The following TMEM117 variants were observed in gnomAD, a reference collection of about 807,000 sequenced individuals.
TMEM117 encodes transmembrane protein 117.
TMEM117 carries 27 observed loss-of-function variants against 52.4 expected under a neutral mutation model. The observed-to-expected ratio is 0.51, with a 90% CI of 0.38 to 0.71. The LOEUF (loss-of-function observed/expected upper bound fraction) is 0.71, where lower values mean the gene tolerates loss of function less well. Ranked by LOEUF, TMEM117 falls within the 30% of genes least tolerant of loss-of-function variation. TMEM117 has a pLI of 0.00. For missense variants in TMEM117, 556 were observed against 630.5 expected (o/e 0.88, Z 1.26); for synonymous variants, 215 against 206.3 (o/e 1.04, Z -0.36).
At chr12:44,293,549 T>C (rs1347517773) in intron 5 of TMEM117, among the ~76,000 whole-genome samples, 1 of 152,130 alleles carries the variant, frequency 6.6e-6, no homozygotes, top group African/African-American at 2.4e-5. Context: ...TATAATCTTA[T>C]ATTTTTAATT....
At chr12:44,154,115 C>T (rs2138235183) in intron 4 of TMEM117, among the ~76,000 whole-genome samples, 1 of 152,136 alleles carries the variant, frequency 6.6e-6, no homozygotes, top group East Asian at 1.9e-4. Flanking sequence ...ACTAGTCTAC[C>T]AAATTGCTCA....
chr12:44,217,925 A>C (rs892087439), intron 5 of TMEM117, among the ~76,000 whole-genome samples: 3 of 152,208 alleles, frequency 2.0e-5, no homozygotes, highest in African/African-American at 7.2e-5. Context: ...AATTGCTTAA[A>C]AATACTAGCA....
chr12:44,268,314 T>A (rs186793073), intron 5 of TMEM117, among the ~76,000 whole-genome samples: 47 of 152,120 alleles, frequency 3.1e-4, no homozygotes, highest in Middle Eastern at 6.8e-3. Flanking sequence ...ATTTTTTTTT[T>A]TATACTTTTA....
the TMEM117 span, among the ~76,000 whole-genome samples, chr12:43,796,081 T>C: frequency 4.1e-4 from 62 of 152,200 alleles, no homozygotes; most frequent in Non-Finnish European, 7.9e-4. Context: ...CTTTCATCAC[T>C]TGGGTCACTT....
At chr12:44,315,151 T>A (rs939936872) in intron 6 of TMEM117, among the ~76,000 whole-genome samples, 1 of 151,980 alleles carries the variant, frequency 6.6e-6, no homozygotes, top group Non-Finnish European at 1.5e-5. Context: ...CTTTTATTTG[T>A]TAATCTAGCT....
At chr12:44,344,404 C>T (rs1051506389) in intron 6 of TMEM117, among the ~76,000 whole-genome samples, 1 of 152,082 alleles carries the variant, frequency 6.6e-6, no homozygotes, top group African/African-American at 2.4e-5. Context: ...TTGTTGCATT[C>T]TTCATATTTG....
intron 2 of TMEM117, among the ~76,000 whole-genome samples, chr12:43,868,920 G>A (rs1276040026): frequency 6.6e-6 from 1 of 151,982 alleles, no homozygotes; most frequent in East Asian, 1.9e-4. Flanking sequence ...TTGATTATTT[G>A]AGAACATTAA....
chr12:44,358,964 C>T (rs567385958), intron 6 of TMEM117, among the ~76,000 whole-genome samples: 55 of 152,220 alleles, frequency 3.6e-4, no homozygotes, highest in African/African-American at 1.1e-3. Context: ...TTTTATATAG[C>T]ACCTTTCTCT....
chr12:44,316,854 T>G (rs2138687270), intron 6 of TMEM117, among the ~76,000 whole-genome samples: 1 of 152,200 alleles, frequency 6.6e-6, no homozygotes, highest in Admixed American at 6.5e-5. Context: ...TTTTTCTGTT[T>G]GGTGTAGTAT....
At chr12:44,368,039 C>T (rs1433264081) in intron 6 of TMEM117, among the ~76,000 whole-genome samples, 1 of 152,088 alleles carries the variant, frequency 6.6e-6, no homozygotes, top group Non-Finnish European at 1.5e-5. Flanking sequence ...CTTGCTGTTT[C>T]TTCAATACAA....
At chr12:44,184,684 G>A (rs11612895) in intron 4 of TMEM117, among the ~76,000 whole-genome samples, 3 of 152,132 alleles carry the variant, frequency 2.0e-5, no homozygotes, top group Non-Finnish European at 2.9e-5. Context: ...TCTTGAAAGC[G>A]ATCCTTTCCT....
chr12:44,009,715 C>T, intron 3 of TMEM117: 1 of 250,992 alleles, frequency 4.0e-6, no homozygotes, highest in Non-Finnish European at 8.5e-6. Flanking sequence ...CCTTCTCTCC[C>T]AGCTCATGGG....
At chr12:44,299,839 A>G in intron 6 of TMEM117, 100 bp downstream of exon 6, 1 of 1,395,950 alleles carries the variant, frequency 7.2e-7, no homozygotes, top group Non-Finnish European at 9.7e-7. Context: ...AAATAAGTAC[A>G]GCATTTACAG....
At chr12:43,977,598 A>G (rs1426268922) in intron 3 of TMEM117, among the ~76,000 whole-genome samples, 3 of 152,184 alleles carry the variant, frequency 2.0e-5, no homozygotes, top group Admixed American at 2.0e-4. Context: ...TTAAAGGTAA[A>G]TAAGGCTTGT....
At chr12:43,887,619 C>T (rs1287692512) in intron 2 of TMEM117, among the ~76,000 whole-genome samples, 1 of 152,192 alleles carries the variant, frequency 6.6e-6, no homozygotes, top group African/African-American at 2.4e-5. Context: ...CAGAAGACCG[C>T]CAGCACCCTG....
intron 6 of TMEM117, among the ~76,000 whole-genome samples, chr12:44,302,033 C>G (rs1950847092): frequency 6.6e-6 from 1 of 152,208 alleles, no homozygotes; most frequent in Non-Finnish European, 1.5e-5. Context: ...ACTAAGTCAG[C>G]TAGCCAGGCC....
upstream of TMEM117, among the ~76,000 whole-genome samples, chr12:43,835,233 G>A (rs377707260): frequency 1.9e-4 from 29 of 152,272 alleles, no homozygotes; most frequent in South Asian, 6.0e-3. Context: ...CAGGAAGAGA[G>A]GAATTGGTCA....
chr12:43,820,581 AT>A, the TMEM117 span, among the ~76,000 whole-genome samples: 4,196 of 135,070 alleles, frequency 0.031, 113 homozygotes, highest in African/African-American at 0.073. Flanking sequence ...CCACAGGCGT[AT>A]TTTTTTTTTT....
chr12:44,317,284 TTA>T lies in TMEM117; in HGVS notation c.768+17559_768+17560del, dbSNP rs539649274. Among the ~76,000 whole-genome samples, 9 of 146,992 alleles carry T rather than the reference TTA, an allele frequency of 6.1e-5. No homozygotes were observed. In the East Asian group the frequency reaches 1.4e-3, roughly 22 times the overall value. The stretch of plus-strand genomic sequence containing the variant: ...TAGGATTTTCCCCTTTCTTTCCCTA[TTA>T]TATATATATATATGTTTTTTTTTTT... On this transcript the variant is annotated intron_variant, in intron 6 of 7. Transcript: ENST00000266534.
Sources: allele counts gnomAD v4.1 joint callset (sites outside exome capture counted in the v4.1 genomes callset), GRCh38; gene constraint gnomAD v4.1.1; transcripts MANE v1.5; gene names NCBI Gene and HGNC (gene_info 2026-07-23, HGNC 2026-07-21).